Variants in NKAIN2 observed in about 807,000 individuals in gnomAD.
NKAIN2 encodes sodium/potassium-transporting ATPase subunit beta-1-interacting protein 2.
In NKAIN2, 14 loss-of-function variants were observed where a neutral mutation model predicts 32.6. The observed-to-expected ratio is 0.43, with a 90% CI of 0.28 to 0.67. The LOEUF is 0.67. Ranked by LOEUF, NKAIN2 falls within the 30% of genes least tolerant of loss-of-function variation. The pLI is 0.17. For missense variants in NKAIN2, 198 were observed against 258.3 expected, an observed-to-expected ratio of 0.77 and a Z score of 1.60; for synonymous variants, 80 against 87.2, an observed-to-expected ratio of 0.92 and a Z score of 0.46.
chr6:124,047,446 C>CTATATA (rs1393703576), intron 1 of NKAIN2, among the ~76,000 whole-genome samples: 1 of 149,164 alleles, frequency 6.7e-6, no homozygotes, highest in South Asian at 2.1e-4. Context: ...CTCTCTCTCT[C>CTATATA]TCTATATATA....
intron 3 of NKAIN2, among the ~76,000 whole-genome samples, chr6:124,394,298 G>A (rs112426386): frequency 0.021 from 3,232 of 152,196 alleles, 48 homozygotes; most frequent in Non-Finnish European, 0.032. Flanking sequence ...TGTTAAGGGA[G>A]TTTGATAAGC....
chr6:124,160,166 G>A (rs1044561130), intron 1 of NKAIN2, among the ~76,000 whole-genome samples: 1 of 152,072 alleles, frequency 6.6e-6, no homozygotes, highest in Non-Finnish European at 1.5e-5. Flanking sequence ...AATTGGGTGA[G>A]GCGATCTACA....
At chr6:124,523,452 T>G (rs1779198656) in intron 3 of NKAIN2, among the ~76,000 whole-genome samples, 2 of 151,778 alleles carry the variant, frequency 1.3e-5, no homozygotes, top group Non-Finnish European at 2.9e-5. Flanking sequence ...AGATGCCATT[T>G]TCGCACTTTT....
intron 1 of NKAIN2, among the ~76,000 whole-genome samples, chr6:124,177,575 C>A (rs368280762): frequency 6.6e-6 from 1 of 152,130 alleles, no homozygotes; most frequent in African/African-American, 2.4e-5. Context: ...ATTTAGAAAT[C>A]TCTGCATAGC....
chr6:124,616,442 T>C (rs1480449192), intron 3 of NKAIN2, among the ~76,000 whole-genome samples: 1 of 6,602 alleles, frequency 1.5e-4, no homozygotes, highest in African/African-American at 4.3e-4. Flanking sequence ...TCTTTCTTTT[T>C]TTTTTTTTTT....
At chr6:124,761,274 C>T (rs1284888782) in intron 4 of NKAIN2, among the ~76,000 whole-genome samples, 1 of 152,204 alleles carries the variant, frequency 6.6e-6, no homozygotes, top group Non-Finnish European at 1.5e-5. Context: ...ATAGTTACCA[C>T]ACATGATGGT....
intron 3 of NKAIN2, among the ~76,000 whole-genome samples, chr6:124,399,747 G>C (rs1773548170): frequency 6.6e-6 from 1 of 152,204 alleles, no homozygotes. Flanking sequence ...CTTTGGCCAA[G>C]TATTAGGTAC....
intron 3 of NKAIN2, among the ~76,000 whole-genome samples, chr6:124,460,061 T>G (rs573716033): frequency 6.6e-6 from 1 of 151,862 alleles, no homozygotes; most frequent in Non-Finnish European, 1.5e-5. Context: ...GGGTTTAACC[T>G]TAATGTGTTC....
intron 3 of NKAIN2, among the ~76,000 whole-genome samples, chr6:124,415,839 T>G (rs2114515159): frequency 6.8e-6 from 1 of 146,110 alleles, no homozygotes; most frequent in South Asian, 2.2e-4. Flanking sequence ...TTTCATTGAT[T>G]TTTATTTGCT....
chr6:124,754,525 T>C (rs887585750), intron 4 of NKAIN2, among the ~76,000 whole-genome samples: 3 of 152,030 alleles, frequency 2.0e-5, no homozygotes, highest in Non-Finnish European at 2.9e-5. Context: ...CCAACAATTA[T>C]GTGGAAAACA....
At chr6:124,483,014 C>T (rs1461554677) in intron 3 of NKAIN2, among the ~76,000 whole-genome samples, 2 of 151,526 alleles carry the variant, frequency 1.3e-5, no homozygotes, top group African/African-American at 2.4e-5. Flanking sequence ...CCCAGCTACT[C>T]GGGAGGCTGA....
intron 3 of NKAIN2, among the ~76,000 whole-genome samples, chr6:124,384,100 C>A (rs1303918438): frequency 6.6e-6 from 1 of 152,062 alleles, no homozygotes; most frequent in Non-Finnish European, 1.5e-5. Flanking sequence ...ATACTGCTAT[C>A]CCAAAGAGTT....
At chr6:123,856,584 G>T (rs1250038278) in intron 1 of NKAIN2, among the ~76,000 whole-genome samples, 1 of 152,162 alleles carries the variant, frequency 6.6e-6, no homozygotes, top group Non-Finnish European at 1.5e-5. Flanking sequence ...TCTTGCCTCA[G>T]GGATATCTAG....
At chr6:124,080,926 G>C (rs1296776170) in intron 1 of NKAIN2, among the ~76,000 whole-genome samples, 3 of 152,032 alleles carry the variant, frequency 2.0e-5, no homozygotes, top group African/African-American at 7.2e-5. Context: ...CTAAATTATT[G>C]ATGATAAACT....
intron 3 of NKAIN2, among the ~76,000 whole-genome samples, chr6:124,511,467 T>G (rs1161618495): frequency 6.6e-6 from 1 of 152,104 alleles, no homozygotes; most frequent in Non-Finnish European, 1.5e-5. Flanking sequence ...CAATTAAAAA[T>G]AGAAAAAATT....
At chr6:124,337,344 A>C (rs918334753) in intron 2 of NKAIN2, among the ~76,000 whole-genome samples, 1 of 151,994 alleles carries the variant, frequency 6.6e-6, no homozygotes, top group African/African-American at 2.4e-5. Context: ...GAAACTACAA[A>C]ATAATAATAA....
At chr6:123,823,602 A>C (rs1015687812) in intron 1 of NKAIN2, among the ~76,000 whole-genome samples, 5 of 152,270 alleles carry the variant, frequency 3.3e-5, no homozygotes, top group South Asian at 2.1e-4. Context: ...AAGCTTATCA[A>C]CTCAGTCTTG....
At chr6:124,356,400 A>G (rs1468396418) in intron 3 of NKAIN2, among the ~76,000 whole-genome samples, 1 of 152,224 alleles carries the variant, frequency 6.6e-6, no homozygotes, top group East Asian at 1.9e-4. Flanking sequence ...TATATCAAGG[A>G]AAAATCATTT....
rs140996775 is a variant in NKAIN2, at chr6:123,930,152, A to G, written c.54+125898A>G. On this transcript the variant is annotated intron_variant, in intron 1 of 6. Coordinates refer to ENST00000368417, the MANE Select transcript of NKAIN2 (RefSeq NM_001040214.3). Reference sequence around the variant, plus strand: ...TGTAATGATGACAGTCAGCACTTAAATCATTCCCAAGTACCAGCTTATACT... The same window carrying G: ...TGTAATGATGACAGTCAGCACTTAAGTCATTCCCAAGTACCAGCTTATACT... 4.4e-4 allele frequency among the ~76,000 whole-genome samples: 67 copies of G among 152,264 alleles called. No homozygotes were observed. The East Asian group carries it at 0.013, about 29-fold the overall frequency.
Sources: gnomAD v4.1 joint callset for allele counts (sites outside exome capture counted in the v4.1 genomes callset) on GRCh38, gnomAD v4.1.1 for gene constraint, MANE v1.5 for transcripts, NCBI Gene and HGNC (gene_info 2026-07-23, HGNC 2026-07-21) for gene names.